EPSTI1: variants seen among roughly 807,000 people sequenced by gnomAD.
EPSTI1 encodes the protein epithelial stromal interaction 1.
Under a neutral mutation model 49.9 loss-of-function variants are expected in EPSTI1, and 66 were observed. That is an observed-to-expected ratio of 1.32 (90% CI 1.08 to 1.62). The LOEUF is 1.62. EPSTI1 is among the 40% of genes most tolerant of loss of function. The pLI is 0.00. For missense variants in EPSTI1, 394 were observed against 365.5 expected, an observed-to-expected ratio of 1.08 and a Z score of -0.64; for synonymous variants, 137 against 130.7, an observed-to-expected ratio of 1.05 and a Z score of -0.33.
Position 42,969,090 on chromosome 13 carries a change from T to C in EPSTI1, c.331+4A>G, listed in dbSNP as rs1202572277. 5 of 1,614,126 alleles carry C rather than the reference T, an allele frequency of 3.1e-6. No homozygotes were observed. The highest frequency in any genetic ancestry group is 2.7e-5 in the African/African-American group (2 of 75,044). On this transcript the variant is annotated splice_donor_region_variant and intron_variant, in intron 3 of 10. Coordinates refer to ENST00000313624, the MANE Select transcript of EPSTI1 (RefSeq NM_033255.5). The stretch of plus-strand genomic sequence containing the variant: ...TCATTCCGGCAGCGGCTGTGCTTGC[T>C]TACCTAGCCGTCTGGGCACCAGGTG...
intron 8 of EPSTI1, among the ~76,000 whole-genome samples, chr13:42,908,809 G>A (rs192948446): frequency 8.6e-5 from 13 of 151,842 alleles, no homozygotes; most frequent in African/African-American, 2.2e-4. Flanking sequence ...AGGGCCAGGC[G>A]CAGTGGCTCA....
At chr13:42,948,741 T>C (rs1238098866) in intron 6 of EPSTI1, among the ~76,000 whole-genome samples, 1 of 152,204 alleles carries the variant, frequency 6.6e-6, no homozygotes, top group Non-Finnish European at 1.5e-5. Flanking sequence ...CCTCCCAAAG[T>C]GCTGGGATTA....
chr13:42,936,131 T>C (rs1460377925), intron 6 of EPSTI1, among the ~76,000 whole-genome samples: 1 of 152,184 alleles, frequency 6.6e-6, no homozygotes. Flanking sequence ...TGGTTATGTA[T>C]ACTCAGGAAC....
intron 9 of EPSTI1, among the ~76,000 whole-genome samples, chr13:42,899,103 C>G (rs1032551485): frequency 6.6e-6 from 1 of 151,338 alleles, no homozygotes; most frequent in African/African-American, 2.4e-5. Context: ...GAGGCTGAGG[C>G]AGGAGAGTCA....
chr13:42,922,612 T>C lies in EPSTI1; in HGVS notation c.657+3724A>G, dbSNP rs1393237074. Among the ~76,000 whole-genome samples the C allele has an allele frequency of 3.9e-5, 6 of 152,206 alleles. No homozygotes were observed. Among genetic ancestry groups the C allele is most frequent in the Non-Finnish European group, 7.4e-5 (5 of 68,024 alleles). ...TTAAGAGAATAAATTTTTGTTCTAT[T>C]AGGTCACTACATTCGTGGTAATTTG... On this transcript the variant is annotated intron_variant, in intron 7 of 10. Transcript: ENST00000313624. The surrounding 1 kb of genome is among the most constrained non-coding windows in gnomAD (Gnocchi z 4.8).
chr13:42,956,502 A>G (rs889426033), intron 5 of EPSTI1, among the ~76,000 whole-genome samples: 12 of 152,316 alleles, frequency 7.9e-5, no homozygotes, highest in African/African-American at 1.7e-4. Flanking sequence ...CCCAGCAGGC[A>G]GGAGGGGAGT....
At chr13:42,929,935 GC>G (rs771046425) in intron 6 of EPSTI1, among the ~76,000 whole-genome samples, 1 of 152,172 alleles carries the variant, frequency 6.6e-6, no homozygotes, top group Non-Finnish European at 1.5e-5. Flanking sequence ...CCAGTGTGGG[GC>G]TGGCTATATG....
chr13:42,955,360 A>G (rs2039226292), intron 5 of EPSTI1, among the ~76,000 whole-genome samples: 2 of 152,186 alleles, frequency 1.3e-5, no homozygotes, highest in African/African-American at 4.8e-5. Flanking sequence ...AATGCTACTC[A>G]GAGAACAGTG....
In EPSTI1 at chr13:42,894,405, C is replaced by T. The variant is rs566394315; in HGVS notation, c.915+604G>A. Among the ~76,000 whole-genome samples the T allele has an allele frequency of 2.0e-5, 3 of 152,232 alleles. No homozygotes were observed. The East Asian group carries it at 5.8e-4, about 29-fold the overall frequency. Reference sequence around the variant, plus strand: ...TTTTGATTTTGTACACATTGCAAACCTCACAATTATATATGTTCCAAAGCT... The same window carrying T: ...TTTTGATTTTGTACACATTGCAAACTTCACAATTATATATGTTCCAAAGCT... On this transcript the variant is annotated intron_variant, in intron 10 of 10. Coordinates refer to ENST00000313624, the MANE Select transcript of EPSTI1 (RefSeq NM_033255.5).
chr13:42,984,402 C>T (rs749911440), intron 1 of EPSTI1, among the ~76,000 whole-genome samples: 1 of 152,176 alleles, frequency 6.6e-6, no homozygotes, highest in Non-Finnish European at 1.5e-5. Context: ...TTCTAATATG[C>T]TCTAATAAGT....
intron 5 of EPSTI1, among the ~76,000 whole-genome samples, chr13:42,962,619 C>CAAA (rs67950561): frequency 0.018 from 2,374 of 132,728 alleles, 46 homozygotes; most frequent in Middle Eastern, 0.031. Flanking sequence ...ACAAAAAATA[C>CAAA]AAAAAAAAAA....
chr13:42,963,035 AAG>A (rs1308731670), intron 5 of EPSTI1, among the ~76,000 whole-genome samples: 1 of 152,196 alleles, frequency 6.6e-6, no homozygotes, highest in African/African-American at 2.4e-5. Flanking sequence ...ATGCTCCGTA[AAG>A]AGAGTGCCTC....
intron 1 of EPSTI1, among the ~76,000 whole-genome samples, chr13:42,988,309 T>C (rs1195457477): frequency 5.9e-5 from 9 of 152,340 alleles, no homozygotes; most frequent in Non-Finnish European, 8.8e-5. Flanking sequence ...GTGTAAGCTT[T>C]TTTCTCTTTT....
At chr13:42,948,987 G>T (rs1354296745) in intron 6 of EPSTI1, among the ~76,000 whole-genome samples, 1 of 152,110 alleles carries the variant, frequency 6.6e-6, no homozygotes, top group African/African-American at 2.4e-5. Context: ...CCCTTTTGGA[G>T]TTTAGGCACA....
At chr13:42,892,905 GGA>G (rs59563243) in intron 10 of EPSTI1, among the ~76,000 whole-genome samples, 149,690 of 152,138 alleles carry the variant, frequency 0.98, 73,686 homozygotes, top group East Asian at 1. Flanking sequence ...TGAAAACCCA[GGA>G]GAGAGTACAG....
chr13:42,938,914 CAAAA>C (rs57079104), intron 6 of EPSTI1, among the ~76,000 whole-genome samples: 2 of 59,676 alleles, frequency 3.4e-5, no homozygotes, highest in Non-Finnish European at 5.6e-5. Context: ...GACTCTGTCT[CAAAA>C]AAAAAAAAAA....
Position 42,917,639 on chromosome 13 carries a change from AGAG to A in EPSTI1, c.658-18_658-16del, listed in dbSNP as rs761087414. 2.6e-5 allele frequency: 29 copies of A among 1,133,160 alleles called. No homozygotes were observed. The highest frequency in any genetic ancestry group is 2.7e-5 in the South Asian group (2 of 73,052). The allele number at this position is 1,133,160 out of a possible 1,614,324, so 70.2% of individuals were successfully genotyped here. A position where few individuals can be genotyped will look rare whatever the true frequency, so the allele number is the denominator to read the frequency against. On this transcript the variant is annotated splice_polypyrimidine_tract_variant and intron_variant, in intron 7 of 10. Transcript: ENST00000313624. ...CAGCTTCTGGCCTGTAAAGGTACAA[AGAG>A]AAAAAAAAAAAAAAAAACAACTTGA...
intron 1 of EPSTI1, chr13:42,991,274 C>T (rs1305524485): frequency 6.6e-6 from 1 of 152,422 alleles, no homozygotes; most frequent in African/African-American, 2.4e-5. Flanking sequence ...GTTTAGGACA[C>T]CAAGTTTTGT....
rs1298922594 is a variant in EPSTI1, at chr13:42,969,437, G to GTA, written c.248-262_248-261dup. On this transcript the variant is annotated intron_variant, in intron 2 of 10. Coordinates refer to ENST00000313624, the MANE Select transcript of EPSTI1 (RefSeq NM_033255.5). Reference sequence around the variant, plus strand: ...ACCACCTGGGCTCCTACTAAAAGAAGTATAGATTTTCCTACCATTCTGGCA... The same window carrying GTA: ...ACCACCTGGGCTCCTACTAAAAGAAGTATATAGATTTTCCTACCATTCTGGCA... 9.4e-6 allele frequency: 4 copies of GTA among 426,090 alleles called. No individual in the cohort carries two copies. In the East Asian group the frequency reaches 1.6e-4, roughly 18 times the overall value. The allele number at this position is 426,090 out of a possible 1,614,324, so 26.4% of individuals were successfully genotyped here.
Sources: allele counts gnomAD v4.1 joint callset (sites outside exome capture counted in the v4.1 genomes callset), GRCh38; gene constraint gnomAD v4.1.1; non-coding constraint Gnocchi (gnomAD v3.1); transcripts MANE v1.5; gene names NCBI Gene and HGNC (gene_info 2026-07-23, HGNC 2026-07-21).